LDLRAD4: variants seen among roughly 807,000 people sequenced by gnomAD.
LDLRAD4 encodes low density lipoprotein receptor class A domain containing 4, also known as low-density lipoprotein receptor class A domain-containing protein 4.
LDLRAD4 carries 5 observed loss-of-function variants against 17.0 expected under a neutral mutation model. The ratio of observed to expected loss-of-function variants is 0.29; its 90% CI spans 0.15 to 0.62. LDLRAD4 has a LOEUF of 0.62. LDLRAD4 is among the 20% of genes least tolerant of loss of function. The pLI is 0.84. For missense variants in LDLRAD4, 340 were observed against 424.7 expected, an observed-to-expected ratio of 0.80 and a Z score of 1.75; for synonymous variants, 168 against 171.8, an observed-to-expected ratio of 0.98 and a Z score of 0.17.
At chr18:13,518,733 T>C (rs889392837) in intron 3 of LDLRAD4, among the ~76,000 whole-genome samples, 2 of 152,202 alleles carry the variant, frequency 1.3e-5, no homozygotes, top group Non-Finnish European at 2.9e-5. Flanking sequence ...CATCCCCAGC[T>C]TTGACTATTT....
chr18:13,356,842 A>G (rs995176970), intron 1 of LDLRAD4, among the ~76,000 whole-genome samples: 1 of 152,208 alleles, frequency 6.6e-6, no homozygotes, highest in African/African-American at 2.4e-5. Flanking sequence ...AACACTTGAA[A>G]TGTCTTTTAG....
intron 1 of LDLRAD4, among the ~76,000 whole-genome samples, chr18:13,348,589 T>C (rs2082844482): frequency 6.6e-6 from 1 of 152,154 alleles, no homozygotes; most frequent in South Asian, 2.1e-4. Context: ...ACCACTACTG[T>C]CTTCCAAGCT....
chr18:13,583,022 C>G (rs543246375), intron 3 of LDLRAD4, among the ~76,000 whole-genome samples: 2 of 152,190 alleles, frequency 1.3e-5, no homozygotes, highest in South Asian at 4.1e-4. Context: ...TGCTTGTATA[C>G]TCATCTGAAT....
chr18:13,297,528 C>T (rs866245422), intron 1 of LDLRAD4, among the ~76,000 whole-genome samples: 6 of 152,346 alleles, frequency 3.9e-5, no homozygotes, highest in African/African-American at 1.4e-4. Context: ...AGTGCAGTGG[C>T]TCATGCCTGT....
intron 1 of LDLRAD4, among the ~76,000 whole-genome samples, chr18:13,224,863 T>TTATTACC (rs1202794551): frequency 1.1e-4 from 16 of 150,880 alleles, no homozygotes; most frequent in Non-Finnish European, 1.5e-5. Flanking sequence ...GAGTCTCCCT[T>TTATTACC]TATTACCCAG....
chr18:13,440,393 A>G lies in LDLRAD4; in HGVS notation c.181+2009A>G, dbSNP rs2090948246. Reference sequence around the variant, plus strand: ...TTTAATTCTGCCTAGAAGCCGAGGGAGCAGTTACATCCATCAGTGGCTCAA... The same window carrying G: ...TTTAATTCTGCCTAGAAGCCGAGGGGGCAGTTACATCCATCAGTGGCTCAA... On this transcript the variant is annotated intron_variant, in intron 3 of 5. Coordinates refer to ENST00000359446, the Ensembl canonical transcript of LDLRAD4. This position sits in a 1 kb window ranked among gnomAD's most constrained non-coding sequence, Gnocchi z 4.4. 6.6e-6 allele frequency among the ~76,000 whole-genome samples: 1 copy of G among 152,170 alleles called. No individual in the cohort carries two copies. Among genetic ancestry groups the G allele is most frequent in the African/African-American group, 2.4e-5 (1 of 41,422 alleles).
At chr18:13,220,394 G>GAGA (rs1263414870) in intron 1 of LDLRAD4, among the ~76,000 whole-genome samples, 1 of 152,126 alleles carries the variant, frequency 6.6e-6, no homozygotes, top group Non-Finnish European at 1.5e-5. Flanking sequence ...ATTTACATTG[G>GAGA]AGAAGACTCT....
chr18:13,364,288 C>G (rs375494698), intron 1 of LDLRAD4, among the ~76,000 whole-genome samples: 2 of 152,106 alleles, frequency 1.3e-5, no homozygotes, highest in Admixed American at 6.6e-5. Context: ...CAGTGAACAT[C>G]ATTGCCATTA....
chr18:13,273,224 C>T (rs2146154522), upstream of LDLRAD4, among the ~76,000 whole-genome samples: 1 of 152,238 alleles, frequency 6.6e-6, no homozygotes, highest in Admixed American at 6.5e-5. Context: ...CATATGTCAC[C>T]AGCTGCTCCG....
chr18:13,521,676 A>T (rs1252941760), intron 3 of LDLRAD4: 1 of 152,040 alleles, frequency 6.6e-6, no homozygotes, highest in Admixed American at 6.6e-5. Flanking sequence ...CTGTTCCATG[A>T]GCACGTGACG....
chr18:13,386,245 A>T (rs532390014), intron 1 of LDLRAD4, among the ~76,000 whole-genome samples: 1 of 152,276 alleles, frequency 6.6e-6, no homozygotes, highest in Non-Finnish European at 1.5e-5. Context: ...TTGGAGACTG[A>T]TATTCAGGAT....
At chr18:13,538,365 A>G (rs1257482117) in intron 3 of LDLRAD4, among the ~76,000 whole-genome samples, 5 of 152,040 alleles carry the variant, frequency 3.3e-5, no homozygotes, top group African/African-American at 4.8e-5. Context: ...TAATTGTTTT[A>G]TTTTTACTGT....
chr18:13,405,480 T>C (rs1476215369), intron 2 of LDLRAD4, among the ~76,000 whole-genome samples: 1 of 152,152 alleles, frequency 6.6e-6, no homozygotes, highest in African/African-American at 2.4e-5. Flanking sequence ...TGGAGAGCAG[T>C]GATGCAATCA....
At chr18:13,641,686 C>T (rs2042575179) in intron 4 of LDLRAD4, 2 of 926,600 alleles carry the variant, frequency 2.2e-6, no homozygotes, top group South Asian at 5.0e-5. Flanking sequence ...TGGCGGTTTC[C>T]TGTCCGGGCT....
intron 1 of LDLRAD4, among the ~76,000 whole-genome samples, chr18:13,284,039 C>G (rs1009153796): frequency 1.3e-5 from 2 of 152,118 alleles, no homozygotes; most frequent in African/African-American, 4.8e-5. Context: ...CCGCTGGGTC[C>G]CTCCCACGAT....
At chr18:13,446,252 C>T (rs768379038) in intron 3 of LDLRAD4, among the ~76,000 whole-genome samples, 7 of 152,104 alleles carry the variant, frequency 4.6e-5, no homozygotes, top group Non-Finnish European at 8.8e-5. Context: ...CAAGGCGTGC[C>T]GCTGCTGGGG....
intron 2 of LDLRAD4, among the ~76,000 whole-genome samples, chr18:13,393,950 G>C (rs1254731817): frequency 6.6e-6 from 1 of 152,208 alleles, no homozygotes; most frequent in Non-Finnish European, 1.5e-5. Context: ...TTCAGGATCT[G>C]TCTTAGGTCC....
chr18:13,371,765 AAAAGAGAGAGAGAGAG>A (rs1470845271), intron 1 of LDLRAD4, among the ~76,000 whole-genome samples: 2 of 152,130 alleles, frequency 1.3e-5, no homozygotes, highest in South Asian at 4.1e-4. Context: ...ACTCTGTCTC[AAAAGAGAGAGAGAGAG>A]AAAGAGAGAG....
intron 3 of LDLRAD4, among the ~76,000 whole-genome samples, chr18:13,445,827 T>C (rs907909908): frequency 6.6e-6 from 1 of 151,980 alleles, no homozygotes; most frequent in African/African-American, 2.4e-5. Context: ...TGTGTCTGTG[T>C]GTGAGGGTGA....
Sources: gnomAD v4.1 joint callset for allele counts (sites outside exome capture counted in the v4.1 genomes callset) on GRCh38, gnomAD v4.1.1 for gene constraint, Gnocchi (gnomAD v3.1) non-coding constraint, MANE v1.5 for transcripts, NCBI Gene and HGNC (gene_info 2026-07-23, HGNC 2026-07-21) for gene names.